The following HIVEP3 variants were observed in gnomAD, a reference collection of about 807,000 sequenced individuals.
HIVEP3 encodes transcription factor HIVEP3.
In HIVEP3, 49 loss-of-function variants were observed where a neutral mutation model predicts 152.8. The ratio of observed to expected loss-of-function variants is 0.32; its 90% CI spans 0.26 to 0.41. The LOEUF is 0.41. Among genes scored for constraint, HIVEP3 ranks in the 10% least tolerant of loss-of-function variants. The pLI, the probability that HIVEP3 is intolerant of heterozygous loss-of-function variation, is 1.00. For synonymous variants in HIVEP3, 1,269 were observed against 1,289.0 expected (o/e 0.98, Z 0.33); for missense variants, 2,790 against 3,103.3 (o/e 0.90, Z 2.40).
intron 1 of HIVEP3, among the ~76,000 whole-genome samples, chr1:42,026,658 T>G (rs1331385889): frequency 6.6e-6 from 1 of 152,142 alleles, no homozygotes; most frequent in Non-Finnish European, 1.5e-5. Flanking sequence ...GAGCTGTTTT[T>G]ACAACCCAAA....
chr1:41,654,618 A>T (rs1645603222), intron 2 of HIVEP3, among the ~76,000 whole-genome samples: 1 of 152,234 alleles, frequency 6.6e-6, no homozygotes, highest in African/African-American at 2.4e-5. Context: ...ACATTGGTAC[A>T]TTACTAGTAA....
At position 41,582,197 on chromosome 1, in the gene HIVEP3, C is replaced by T. The variant is rs550305516; in HGVS notation, c.2601G>A (p.Pro867=). The change falls in exon 4 of 9, where the codon CCG becomes CCA. Residue 867 remains proline, a synonymous_variant. Transcript: ENST00000372583. The surrounding 1 kb of genome is among the most constrained non-coding windows in gnomAD (Gnocchi z 4.7). Reference sequence around the variant, plus strand: ...TAGGGGGCGGCTCTGGCTCTGTGTCCGGCCGGTCAGGCTCCTCAGTTACTA... The same window carrying T: ...TAGGGGGCGGCTCTGGCTCTGTGTCTGGCCGGTCAGGCTCCTCAGTTACTA... ...EILVTEEPDR[P]DTEPEPPPKE... 8.2e-5 allele frequency: 132 copies of T among 1,613,982 alleles called. No homozygotes were observed. The highest frequency in any genetic ancestry group is 1.6e-4 in the East Asian group (7 of 44,880).
intron 3 of HIVEP3, among the ~76,000 whole-genome samples, chr1:41,623,972 A>G (rs1263050796): frequency 3.9e-5 from 6 of 152,034 alleles, no homozygotes; most frequent in Non-Finnish European, 7.4e-5. Flanking sequence ...GCTCTTCTGC[A>G]CCTTTTCTTC....
At chr1:41,708,995 C>A (rs1480896416) in intron 1 of HIVEP3, among the ~76,000 whole-genome samples, 1 of 152,162 alleles carries the variant, frequency 6.6e-6, no homozygotes, top group African/African-American at 2.4e-5. Context: ...TTAAGGGAAG[C>A]CTTTCTCAGG....
chr1:42,030,230 A>C (rs1645605597), intron 1 of HIVEP3, among the ~76,000 whole-genome samples: 1 of 152,182 alleles, frequency 6.6e-6, no homozygotes, highest in Non-Finnish European at 1.5e-5. Flanking sequence ...AAACTTTCTT[A>C]AAACATTATG....
intron 1 of HIVEP3, among the ~76,000 whole-genome samples, chr1:41,941,282 G>A (rs1315983732): frequency 2.0e-5 from 3 of 152,172 alleles, no homozygotes; most frequent in Admixed American, 6.5e-5. Context: ...CGTCAGGTTT[G>A]TCTACTAATG....
At chr1:42,006,597 G>C (rs1645460904) in intron 1 of HIVEP3, among the ~76,000 whole-genome samples, 1 of 149,692 alleles carries the variant, frequency 6.7e-6, no homozygotes, top group African/African-American at 2.5e-5. Flanking sequence ...TGTGAAAAGA[G>C]TGGTGCTGTT....
intron 2 of HIVEP3, among the ~76,000 whole-genome samples, chr1:41,690,971 C>T (rs1646189579): frequency 6.6e-6 from 1 of 152,130 alleles, no homozygotes; most frequent in Non-Finnish European, 1.5e-5. Flanking sequence ...GCCAGACTTC[C>T]TGGGTTCAAA....
At chr1:42,006,113 T>G (rs1461193227) in intron 1 of HIVEP3, among the ~76,000 whole-genome samples, 4 of 152,196 alleles carry the variant, frequency 2.6e-5, no homozygotes, top group African/African-American at 9.6e-5. Context: ...CATGCAATCT[T>G]CCCCATTTCC....
chr1:41,543,602 G>A (rs911435770), intron 5 of HIVEP3: 1 of 152,304 alleles, frequency 6.6e-6, no homozygotes, highest in African/African-American at 2.4e-5. Context: ...TAGCTCCAGG[G>A]GGTGAGCATA....
chr1:41,524,060 C>T (rs564267230), intron 6 of HIVEP3, among the ~76,000 whole-genome samples: 3 of 152,258 alleles, frequency 2.0e-5, no homozygotes, highest in African/African-American at 7.2e-5. Flanking sequence ...CCCATCACAG[C>T]TCTCTGGGAT....
At chr1:41,757,699 T>G (rs1199959039) in intron 1 of HIVEP3, among the ~76,000 whole-genome samples, 1 of 149,218 alleles carries the variant, frequency 6.7e-6, no homozygotes, top group African/African-American at 2.4e-5. Flanking sequence ...TACTTTGTAT[T>G]TATTTATTTA....
chr1:41,544,730 C>T (rs12123976), intron 5 of HIVEP3, among the ~76,000 whole-genome samples: 42,859 of 100,050 alleles, frequency 0.43, 7,208 homozygotes, highest in East Asian at 0.65. Flanking sequence ...GTACCACCAC[C>T]GCTACCATCA....
At chr1:41,826,511 T>C (rs1437954117) in intron 1 of HIVEP3, among the ~76,000 whole-genome samples, 1 of 152,222 alleles carries the variant, frequency 6.6e-6, no homozygotes, top group Non-Finnish European at 1.5e-5. Context: ...CCTCCCAGGT[T>C]CAAGTGATTC....
chr1:41,700,854 C>T, intron 2 of HIVEP3, 62 bp downstream of exon 2: 6 of 756,458 alleles, frequency 7.9e-6, no homozygotes, highest in Non-Finnish European at 9.7e-6. Flanking sequence ...AAAACACAGC[C>T]TAATGGCCTT....
rs546425580 is a variant in HIVEP3, at chr1:41,510,757, C to A, written c.6915G>T (p.Thr2305=). 1 of 1,589,272 alleles carries A rather than the reference C, an allele frequency of 6.3e-7. No homozygotes were observed. The change falls in exon 9 of 9, where the codon ACG becomes ACT. Residue 2305 remains threonine, a synonymous_variant. Coordinates refer to ENST00000372583, the MANE Select transcript of HIVEP3 (RefSeq NM_024503.5). ...TGTCGGGTGGGGTGCAGGGGCTGTG[C>A]GTGGGTGTGGGCTCTGCAGGTGCCC... ...GTGAPAEPTP[T]HSPCTPPDTL...
At chr1:41,669,988 ACT>A (rs1280093150) in intron 2 of HIVEP3, among the ~76,000 whole-genome samples, 1 of 151,918 alleles carries the variant, frequency 6.6e-6, no homozygotes, top group African/African-American at 2.4e-5. Flanking sequence ...ATCTCCAACA[ACT>A]CTGAAGTAAG....
chr1:41,826,244 A>C (rs1478842184), intron 1 of HIVEP3, among the ~76,000 whole-genome samples: 1 of 152,208 alleles, frequency 6.6e-6, no homozygotes, highest in African/African-American at 2.4e-5. Context: ...TCACTGTCAC[A>C]GAGGTAAGGG....
chr1:41,802,556 AG>A (rs1188961474), intron 1 of HIVEP3, among the ~76,000 whole-genome samples: 1 of 152,178 alleles, frequency 6.6e-6, no homozygotes, highest in African/African-American at 2.4e-5. Context: ...TTCAATAAAA[AG>A]GTGATGGAGG....
Sources: allele counts gnomAD v4.1 joint callset (sites outside exome capture counted in the v4.1 genomes callset), GRCh38; gene constraint gnomAD v4.1.1; non-coding constraint Gnocchi (gnomAD v3.1); transcripts MANE v1.5; gene names NCBI Gene and HGNC (gene_info 2026-07-23, HGNC 2026-07-21).